The following CELF4 variants were observed in gnomAD, a reference collection of about 807,000 sequenced individuals.
CELF4 encodes CUGBP Elav-like family member 4.
Under a neutral mutation model 59.9 loss-of-function variants are expected in CELF4, and 18 were observed. The observed-to-expected ratio is 0.30, with a 90% CI of 0.21 to 0.45. The LOEUF (loss-of-function observed/expected upper bound fraction) is 0.45. Ranked by LOEUF, CELF4 falls within the 20% of genes least tolerant of loss-of-function variation. CELF4 has a pLI of 1.00. For missense variants in CELF4, 456 were observed against 689.0 expected (o/e 0.66, Z 3.79); for synonymous variants, 261 against 267.1 (o/e 0.98, Z 0.22).
chr18:37,450,685 C>G (rs763911126), intron 2 of CELF4, among the ~76,000 whole-genome samples: 1 of 152,082 alleles, frequency 6.6e-6, no homozygotes, highest in South Asian at 2.1e-4. Flanking sequence ...CCTCGCTGAC[C>G]CTACGGGGCA....
At chr18:37,356,862 C>G (rs1000441850) in intron 2 of CELF4, among the ~76,000 whole-genome samples, 5 of 152,290 alleles carry the variant, frequency 3.3e-5, no homozygotes, top group African/African-American at 9.6e-5. Context: ...CACTCGGCAC[C>G]TTGCTTAGCC....
intron 1 of CELF4, among the ~76,000 whole-genome samples, chr18:37,499,390 GGA>G (rs1173261674): frequency 1.3e-5 from 2 of 152,188 alleles, no homozygotes; most frequent in African/African-American, 4.8e-5. Context: ...GGGGAGGGCT[GGA>G]GAGAGGAAAG....
At chr18:37,489,203 G>T (rs1466465772) in intron 1 of CELF4, among the ~76,000 whole-genome samples, 1 of 152,268 alleles carries the variant, frequency 6.6e-6, no homozygotes, top group Admixed American at 6.5e-5. Context: ...CGCCAGCATG[G>T]CAGATTAGTT....
At chr18:37,319,889 G>C (rs1466929204) in intron 3 of CELF4, among the ~76,000 whole-genome samples, 1 of 152,154 alleles carries the variant, frequency 6.6e-6, no homozygotes, top group Non-Finnish European at 1.5e-5. Flanking sequence ...CAGAAGCCAA[G>C]AGCTCCTGGC....
intron 2 of CELF4, among the ~76,000 whole-genome samples, chr18:37,451,226 G>A (rs2099762784): frequency 6.6e-6 from 1 of 152,216 alleles, no homozygotes; most frequent in Non-Finnish European, 1.5e-5. Flanking sequence ...ATCCCAATGG[G>A]GACAGGCCCA....
chr18:37,274,492 G>C (rs748022555), intron 5 of CELF4, 38 bp from the exon 6 acceptor site: 7 of 1,609,940 alleles, frequency 4.3e-6, no homozygotes, highest in Non-Finnish European at 5.9e-6. Context: ...ACCTGCTCCA[G>C]AGCCTCCGCC....
intron 2 of CELF4, among the ~76,000 whole-genome samples, chr18:37,362,658 T>G (rs112762458): frequency 1.7e-5 from 2 of 118,244 alleles, no homozygotes; most frequent in Admixed American, 9.1e-5. Context: ...AACAGGCCAC[T>G]GGGGCACCCG....
chr18:37,266,456 G>T, intron 9 of CELF4, 77 bp downstream of exon 9: 1 of 1,374,848 alleles, frequency 7.3e-7, no homozygotes, highest in Non-Finnish European at 1.0e-6. Context: ...CCCCAGGCCT[G>T]AGGGGGCACT....
intron 2 of CELF4, among the ~76,000 whole-genome samples, chr18:37,393,578 AG>A (rs2099193939): frequency 6.6e-6 from 1 of 152,196 alleles, no homozygotes; most frequent in African/African-American, 2.4e-5. Context: ...AGCAGCCTGC[AG>A]CCCCACATCC....
intron 11 of CELF4, among the ~76,000 whole-genome samples, chr18:37,257,010 T>C (rs2070102981): frequency 6.6e-6 from 1 of 152,176 alleles, no homozygotes; most frequent in South Asian, 2.1e-4. Context: ...CTGTCCTTTT[T>C]TCAGGGCTGG....
chr18:37,489,815 G>A (rs895738433), intron 1 of CELF4, among the ~76,000 whole-genome samples: 10 of 152,168 alleles, frequency 6.6e-5, no homozygotes, highest in Non-Finnish European at 1.0e-4. Flanking sequence ...GGCTCTGAAC[G>A]CTGAGGCTTG....
intron 1 of CELF4, among the ~76,000 whole-genome samples, chr18:37,540,249 C>T (rs2099976817): frequency 6.6e-6 from 1 of 152,220 alleles, no homozygotes; most frequent in African/African-American, 2.4e-5. Context: ...GCCCTAGGGT[C>T]CTCCCGTCCA....
chr18:37,472,404 G>T (rs957422228), intron 2 of CELF4, among the ~76,000 whole-genome samples: 5 of 152,264 alleles, frequency 3.3e-5, no homozygotes, highest in African/African-American at 1.2e-4. Flanking sequence ...GCAGCCAGGG[G>T]CCGGGGATGG....
chr18:37,268,370 A>C (rs2078760049), intron 8 of CELF4, among the ~76,000 whole-genome samples: 1 of 152,182 alleles, frequency 6.6e-6, no homozygotes, highest in Admixed American at 6.5e-5. Flanking sequence ...GCCAGCCTCT[A>C]AGCTCTATAG....
chr18:37,270,959 A>C, intron 7 of CELF4, 42 bp from the exon 8 acceptor site: 2 of 1,532,466 alleles, frequency 1.3e-6, no homozygotes, highest in Non-Finnish European at 1.8e-6. Context: ...GAGGGGAGGC[A>C]AGCAGAACAA....
intron 1 of CELF4, among the ~76,000 whole-genome samples, chr18:37,512,814 C>T (rs2154604361): frequency 6.6e-6 from 1 of 151,970 alleles, no homozygotes; most frequent in Non-Finnish European, 1.5e-5. Context: ...CCTTTCTCCT[C>T]TTGTTCTTCT....
At chr18:37,406,058 A>G (rs930103322) in intron 2 of CELF4, among the ~76,000 whole-genome samples, 4 of 152,190 alleles carry the variant, frequency 2.6e-5, no homozygotes, top group African/African-American at 9.7e-5. Flanking sequence ...TTTTTGTCAC[A>G]GAAGATAGAA....
intron 2 of CELF4, among the ~76,000 whole-genome samples, chr18:37,437,491 A>G (rs2099696655): frequency 6.6e-6 from 1 of 152,166 alleles, no homozygotes; most frequent in Admixed American, 6.5e-5. Flanking sequence ...TGGGGGAGAT[A>G]CTATGGAAAC....
intron 2 of CELF4, among the ~76,000 whole-genome samples, chr18:37,380,825 T>TCCATCCATCAC: frequency 4.6e-5 from 1 of 21,724 alleles, no homozygotes; most frequent in African/African-American, 1.6e-4. Context: ...CCATCCATCA[T>TCCATCCATCAC]CTATCCTTCT....
Sources: gnomAD v4.1 joint callset for allele counts (sites outside exome capture counted in the v4.1 genomes callset) on GRCh38, gnomAD v4.1.1 for gene constraint, MANE v1.5 for transcripts, NCBI Gene and HGNC (gene_info 2026-07-23, HGNC 2026-07-21) for gene names.